The following XKR5 variants were observed in gnomAD, a reference collection of about 807,000 sequenced individuals.
XKR5 encodes the protein XK related 5.
XKR5 carries 46 observed loss-of-function variants against 40.8 expected under a neutral mutation model. That is an observed-to-expected ratio of 1.13 (90% CI 0.89 to 1.44). The LOEUF (loss-of-function observed/expected upper bound fraction) is 1.44. Among genes scored for constraint, XKR5 ranks in the 40% most tolerant of loss-of-function variants. The probability of loss-of-function intolerance (pLI) is 0.00; values close to 1 mark genes in which losing one functional copy is unlikely to be tolerated. For synonymous variants in XKR5, 466 were observed against 356.1 expected, an observed-to-expected ratio of 1.31 and a Z score of -3.48; for missense variants, 1,169 against 844.7, an observed-to-expected ratio of 1.38 and a Z score of -4.76.
intron 2 of XKR5, among the ~76,000 whole-genome samples, chr8:6,825,814 G>C (rs1317668503): frequency 1.3e-5 from 2 of 152,202 alleles, no homozygotes; most frequent in East Asian, 3.8e-4. Context: ...CTCACAGAAT[G>C]TAGAACTCTG....
chr8:6,831,817 G>C (rs781484465), intron 2 of XKR5, among the ~76,000 whole-genome samples: 1 of 151,988 alleles, frequency 6.6e-6, no homozygotes, highest in African/African-American at 2.4e-5. Context: ...AGACCGAGAC[G>C]ATGCTGGCTA....
intron 2 of XKR5, among the ~76,000 whole-genome samples, chr8:6,825,901 T>A (rs928024659): frequency 3.3e-5 from 5 of 152,004 alleles, no homozygotes; most frequent in African/African-American, 1.2e-4. Flanking sequence ...TGGCCAGAGG[T>A]CCAGGTGGCT....
intron 5 of XKR5, among the ~76,000 whole-genome samples, chr8:6,818,805 G>C (rs1804085124): frequency 6.6e-6 from 1 of 152,200 alleles, no homozygotes; most frequent in Admixed American, 6.5e-5. Flanking sequence ...CCAGCCCCCA[G>C]CCCCTGCCAG....
intron 2 of XKR5, among the ~76,000 whole-genome samples, chr8:6,828,530 G>C (rs1389866342): frequency 6.6e-6 from 1 of 152,212 alleles, no homozygotes; most frequent in African/African-American, 2.4e-5. Context: ...TTCAGGCTGA[G>C]ACCCCTGGAC....
intron 2 of XKR5, among the ~76,000 whole-genome samples, chr8:6,830,175 T>C (rs1804696013): frequency 6.6e-6 from 1 of 152,226 alleles, no homozygotes; most frequent in Admixed American, 6.5e-5. Context: ...TGTGTTTTAC[T>C]GGATTCTCAG....
intron 5 of XKR5, among the ~76,000 whole-genome samples, chr8:6,819,107 C>A (rs1007139771): frequency 6.6e-6 from 1 of 152,258 alleles, no homozygotes; most frequent in Non-Finnish European, 1.5e-5. Context: ...GTGGTACACT[C>A]TCCAGTGGCC....
intron 3 of XKR5, among the ~76,000 whole-genome samples, chr8:6,824,336 G>C (rs546780455): frequency 4.6e-5 from 7 of 151,944 alleles, no homozygotes; most frequent in African/African-American, 1.7e-4. Context: ...GTGAAGGGGA[G>C]GGGAGAAAAG....
intron 1 of XKR5, among the ~76,000 whole-genome samples, chr8:6,834,500 G>A (rs919108442): frequency 1.3e-5 from 2 of 152,186 alleles, no homozygotes; most frequent in African/African-American, 2.4e-5. Context: ...ACCTGGGGTG[G>A]GTGCCGACCC....
In XKR5 at chr8:6,811,155, G is replaced by A; in HGVS notation, c.*43C>T. The A allele has an allele frequency of 1.3e-6, 2 of 1,493,982 alleles. No individual in the cohort carries two copies. The highest frequency in any genetic ancestry group is 1.3e-5 in the South Asian group (1 of 77,300). The allele number at this position is 1,493,982 out of a possible 1,614,324, so 92.5% of individuals were successfully genotyped here. A position where few individuals can be genotyped will look rare whatever the true frequency, so the allele number is the denominator to read the frequency against. On this transcript the variant is annotated 3_prime_UTR_variant, in exon 7 of 7. Transcript: ENST00000618742. The stretch of plus-strand genomic sequence containing the variant: ...CCTTTCTCACGGTACCAAATGGCCA[G>A]CTTGGTTTGTCAGCCTGTTGTCTTA...
At chr8:6,820,132 C>G (rs1161235029) in intron 5 of XKR5, among the ~76,000 whole-genome samples, 3 of 152,246 alleles carry the variant, frequency 2.0e-5, no homozygotes, top group African/African-American at 7.2e-5. Flanking sequence ...ATCCTGGTAT[C>G]AAGCCTTAGC....
At chr8:6,830,681 T>A (rs2117118529) in intron 2 of XKR5, among the ~76,000 whole-genome samples, 1 of 152,348 alleles carries the variant, frequency 6.6e-6, no homozygotes, top group Non-Finnish European at 1.5e-5. Flanking sequence ...TTAACTTCTT[T>A]TTCAAAACAA....
chr8:6,823,762 C>T (rs545190174), intron 3 of XKR5, 32 bp from the exon 4 acceptor site: 49 of 1,513,856 alleles, frequency 3.2e-5, no homozygotes, highest in Non-Finnish European at 4.3e-5. Flanking sequence ...GTGGTATGCT[C>T]TGAAGATTCC....
intron 1 of XKR5, among the ~76,000 whole-genome samples, chr8:6,833,603 T>A (rs772969162): frequency 6.6e-6 from 1 of 152,200 alleles, no homozygotes; most frequent in Non-Finnish European, 1.5e-5. Flanking sequence ...TAATACCAGC[T>A]ACTCGGGATG....
chr8:6,832,902 T>G lies in XKR5; in HGVS notation c.59-2A>C, dbSNP rs1249483049. 6.4e-7 allele frequency: 1 copy of G among 1,564,350 alleles called. No homozygotes were observed. The highest frequency in any genetic ancestry group is 1.4e-5 in the African/African-American group (1 of 72,410). ...AGTAGTAAGCCACGGTGTAAAGGCCTGGGTGAGAAGGGGAAAGGCAAGCAG... is the reference window on the plus strand; with the variant it reads ...AGTAGTAAGCCACGGTGTAAAGGCCGGGGTGAGAAGGGGAAAGGCAAGCAG... On this transcript the variant is annotated splice_acceptor_variant, in intron 1 of 6. Coordinates refer to ENST00000618742, the MANE Select transcript of XKR5 (RefSeq NM_207411.5). LOFTEE classifies it high-confidence loss of function.
intron 5 of XKR5, 24 bp from the exon 6 acceptor site, chr8:6,815,942 C>A: frequency 1.3e-6 from 2 of 1,551,626 alleles, no homozygotes; most frequent in South Asian, 2.3e-5. Context: ...GACAGAGGCA[C>A]CACACCTCGT....
intron 2 of XKR5, 120 bp downstream of exon 2, chr8:6,832,597 G>T: frequency 2.2e-6 from 3 of 1,333,558 alleles, no homozygotes; most frequent in Non-Finnish European, 3.1e-6. Context: ...TGGCCGCTTT[G>T]AACCTCTTCC....
At chr8:6,830,553 G>A (rs1316193204) in intron 2 of XKR5, among the ~76,000 whole-genome samples, 1 of 152,306 alleles carries the variant, frequency 6.6e-6, no homozygotes, top group Non-Finnish European at 1.5e-5. Context: ...ACCCGCTTCC[G>A]ATAGCTGTGC....
intron 2 of XKR5, among the ~76,000 whole-genome samples, chr8:6,826,358 G>C (rs1752349063): frequency 1.3e-5 from 2 of 152,068 alleles, no homozygotes; most frequent in African/African-American, 4.8e-5. Context: ...CATGTAGTGT[G>C]GGTGTATGAA....
chr8:6,820,473 G>T (rs984145298), intron 5 of XKR5, among the ~76,000 whole-genome samples: 3 of 152,232 alleles, frequency 2.0e-5, no homozygotes, highest in Non-Finnish European at 4.4e-5. Context: ...AGCAAACAAG[G>T]TGGCAGGTGT....
Sources: gnomAD v4.1 joint callset for allele counts (sites outside exome capture counted in the v4.1 genomes callset) on GRCh38, gnomAD v4.1.1 for gene constraint, MANE v1.5 for transcripts, NCBI Gene and HGNC (gene_info 2026-07-23, HGNC 2026-07-21) for gene names.